The following USP34 variants were observed in gnomAD, a reference collection of about 807,000 sequenced individuals.
USP34 encodes ubiquitin specific peptidase 34.
Under a neutral mutation model 460.3 loss-of-function variants are expected in USP34, and 70 were observed. That is an observed-to-expected ratio of 0.15 (90% CI 0.13 to 0.19). The LOEUF (loss-of-function observed/expected upper bound fraction) is 0.19. Among genes scored for constraint, USP34 ranks in the 10% least tolerant of loss-of-function variants. The probability of loss-of-function intolerance (pLI) is 1.00; values close to 1 mark genes in which losing one functional copy is unlikely to be tolerated. For missense variants in USP34, 3,985 were observed against 4,236.2 expected (o/e 0.94, Z 1.65); for synonymous variants, 1,647 against 1,405.3 (o/e 1.17, Z -3.85).
At chr2:61,283,584 TGAGAGTGAGAGTGA>T in intron 35 of USP34, 135 bp from the exon 36 acceptor site, 1 of 725,470 alleles carries the variant, frequency 1.4e-6, no homozygotes, top group African/African-American at 1.8e-5. Flanking sequence ...TGAGTGAGAG[TGAGAGTGAGAGTGA>T]GAGAGAGTGT....
intron 1 of USP34, among the ~76,000 whole-genome samples, chr2:61,468,333 G>A (rs886359459): frequency 6.6e-6 from 1 of 152,190 alleles, no homozygotes; most frequent in African/African-American, 2.4e-5. Context: ...ACAAGCATGT[G>A]CCACCACGCT....
intron 1 of USP34, among the ~76,000 whole-genome samples, chr2:61,461,721 T>C (rs1279858733): frequency 6.6e-6 from 1 of 152,322 alleles, no homozygotes; most frequent in East Asian, 1.9e-4. Context: ...CAGGCACGAC[T>C]ACGACTAAAA....
intron 7 of USP34, 74 bp from the exon 8 acceptor site, chr2:61,378,498 T>C (rs1264229530): frequency 4.4e-6 from 4 of 915,596 alleles, no homozygotes; most frequent in Middle Eastern, 2.2e-4. Flanking sequence ...AATACTAACA[T>C]GGTAAACTGA....
At chr2:61,443,532 G>A (rs944387675) in intron 1 of USP34, among the ~76,000 whole-genome samples, 1 of 149,050 alleles carries the variant, frequency 6.7e-6, no homozygotes, top group Admixed American at 6.7e-5. Flanking sequence ...AATACATAAA[G>A]AACATTTAAA....
intron 1 of USP34, among the ~76,000 whole-genome samples, chr2:61,468,949 C>T (rs1484658216): frequency 6.6e-6 from 1 of 152,178 alleles, no homozygotes; most frequent in African/African-American, 2.4e-5. Flanking sequence ...TGGCTCACGC[C>T]TGTAATCCCA....
intron 53 of USP34, among the ~76,000 whole-genome samples, chr2:61,238,444 A>G (rs571639441): frequency 1.3e-5 from 2 of 152,304 alleles, no homozygotes; most frequent in South Asian, 4.1e-4. Flanking sequence ...TTTTCTAGCA[A>G]TCACTATCAA....
At chr2:61,451,220 CAAAAAAAA>C (rs70963432) in intron 1 of USP34, among the ~76,000 whole-genome samples, 15 of 50,776 alleles carry the variant, frequency 3.0e-4, no homozygotes, top group South Asian at 1.1e-3. Context: ...GGCTTCATCT[CAAAAAAAA>C]AAAAAAAAAA....
At chr2:61,276,379 A>G (rs924631323) in intron 41 of USP34, among the ~76,000 whole-genome samples, 25 of 152,286 alleles carry the variant, frequency 1.6e-4, no homozygotes, top group African/African-American at 6.0e-4. Flanking sequence ...CCTCTTAGTC[A>G]ATTTTTAAAA....
rs1419112460 is a variant in USP34, at chr2:61,405,451, T to C, written c.552+257A>G. Among the ~76,000 whole-genome samples, 5 of 152,174 alleles carry C rather than the reference T, an allele frequency of 3.3e-5. No individual in the cohort carries two copies. In the East Asian group the frequency reaches 7.7e-4, roughly 24 times the overall value. On this transcript the variant is annotated intron_variant, in intron 3 of 79. Coordinates refer to ENST00000398571, the MANE Select transcript of USP34 (RefSeq NM_014709.4). ...GAGTCATAAAATAAGCATAGATCTA[T>C]AGCAGTAAAATGTTTAGATCACTAC...
chr2:61,214,597 T>A lies in USP34; in HGVS notation c.8145A>T (p.Pro2715=), dbSNP rs1394965155. Residue 2715 remains proline, a synonymous_variant, in exon 68 of 80, where the codon CCA becomes CCT. Coordinates refer to ENST00000398571, the MANE Select transcript of USP34 (RefSeq NM_014709.4). ...GGACTACTGTTGTGTCTGGACTGAGTGGAAGGTCACGGGTTGGGATGTGCA... is the reference window on the plus strand; with the variant it reads ...GGACTACTGTTGTGTCTGGACTGAGAGGAAGGTCACGGGTTGGGATGTGCA... ...RSLHIPTRDL[P]LSPDTTVVLH... is the part of the protein sequence containing the mutation. The A allele has an allele frequency of 3.1e-6, 5 of 1,614,034 alleles. No homozygotes were observed. In the Admixed American group the frequency reaches 8.3e-5, roughly 27 times the overall value.
intron 31 of USP34, 34 bp from the exon 32 acceptor site, chr2:61,295,066 G>T (rs1456046903): frequency 1.2e-6 from 2 of 1,603,072 alleles, no homozygotes. Flanking sequence ...AGGCAGAATG[G>T]CGGAAGAAAG....
rs775058062 is a variant in USP34 at position 61,281,166 on chromosome 2, T to C, written c.5075A>G (p.Asn1692Ser). 28 of 1,613,890 alleles carry C rather than the reference T, an allele frequency of 1.7e-5. No individual in the cohort carries two copies. Among genetic ancestry groups the C allele is most frequent in the African/African-American group, 8.0e-5 (6 of 74,910 alleles). ...GGCAGCCAATAGCAGAAAAGAACGA[T>C]TGATTGAGTCTCCTCCATCCAGCCC... Reference protein sequence around the residue: ...LSGLDGGDSINRSFLLLAAST... With the variant: ...LSGLDGGDSISRSFLLLAAST... Residue 1692 changes from asparagine to serine, a missense_variant, in exon 38 of 80, where the codon AAT becomes AGT. Physicochemically the swap from Asn to Ser is conservative, Grantham distance 46. Coordinates refer to ENST00000398571, the MANE Select transcript of USP34 (RefSeq NM_014709.4).
chr2:61,231,610 G>C (rs1256299205), intron 58 of USP34, among the ~76,000 whole-genome samples: 1 of 152,018 alleles, frequency 6.6e-6, no homozygotes, highest in Non-Finnish European at 1.5e-5. Flanking sequence ...AGCTACTCAG[G>C]AGGCTGAGGT....
chr2:61,189,668 A>G (rs1161319810), intron 78 of USP34: 1 of 152,410 alleles, frequency 6.6e-6, no homozygotes, highest in Non-Finnish European at 1.5e-5. Flanking sequence ...GAAAAATGGA[A>G]AAGGAAATAT....
chr2:61,470,351 T>A (rs1312606673), intron 1 of USP34, among the ~76,000 whole-genome samples: 1 of 152,020 alleles, frequency 6.6e-6, no homozygotes. Flanking sequence ...GAGGGGTTCA[T>A]TACTGCCTTC....
intron 2 of USP34, among the ~76,000 whole-genome samples, chr2:61,412,475 T>G (rs1243265827): frequency 1.3e-5 from 2 of 152,090 alleles, no homozygotes; most frequent in African/African-American, 4.8e-5. Flanking sequence ...ATATACCTTT[T>G]GTATATATAT....
intron 53 of USP34, among the ~76,000 whole-genome samples, chr2:61,239,672 A>G (rs1039231132): frequency 6.6e-6 from 1 of 152,194 alleles, no homozygotes; most frequent in South Asian, 2.1e-4. Flanking sequence ...TGGAATTGAA[A>G]AAAGACAACA....
chr2:61,268,468 A>AAG (rs70963407), intron 41 of USP34, among the ~76,000 whole-genome samples: 1 of 121,568 alleles, frequency 8.2e-6, no homozygotes, highest in Admixed American at 8.3e-5. Flanking sequence ...AAAAAAAAAA[A>AAG]GTGTTGCACC....
intron 21 of USP34, among the ~76,000 whole-genome samples, chr2:61,322,640 G>T (rs1690962014): frequency 6.6e-6 from 1 of 152,128 alleles, no homozygotes; most frequent in Admixed American, 6.5e-5. Context: ...TAGATGAAAT[G>T]ACAAAATACA....
Sources: allele counts gnomAD v4.1 joint callset (sites outside exome capture counted in the v4.1 genomes callset), GRCh38; gene constraint gnomAD v4.1.1; transcripts MANE v1.5; gene names NCBI Gene and HGNC (gene_info 2026-07-23, HGNC 2026-07-21).